PTPRN2: variants seen among roughly 807,000 people sequenced by gnomAD.
PTPRN2 encodes protein tyrosine phosphatase receptor type N2, also known as receptor-type tyrosine-protein phosphatase N2.
Under a neutral mutation model 118.8 loss-of-function variants are expected in PTPRN2, and 74 were observed. The ratio of observed to expected loss-of-function variants is 0.62; its 90% CI spans 0.52 to 0.76. The LOEUF (loss-of-function observed/expected upper bound fraction) is 0.76, where lower values mean the gene tolerates loss of function less well. Ranked by LOEUF, PTPRN2 falls within the 30% of genes least tolerant of loss-of-function variation. The pLI is 0.00. For synonymous variants in PTPRN2, 641 were observed against 608.0 expected (o/e 1.05, Z -0.80); for missense variants, 1,481 against 1,394.4 (o/e 1.06, Z -0.99).
chr7:158,364,875 C>G lies in PTPRN2; in HGVS notation c.164-47943G>C, dbSNP rs372458987. 1.8e-4 allele frequency among the ~76,000 whole-genome samples: 28 copies of G among 152,286 alleles called. No individual in the cohort carries two copies. In the South Asian group the frequency reaches 5.6e-3, roughly 30 times the overall value. ...TTGACTTCTACCAAAAAAGAAATAA[C>G]GGAACGGCATGAGAATGGTCACACC... On this transcript the variant is annotated intron_variant, in intron 2 of 22. Coordinates refer to ENST00000389418, the MANE Select transcript of PTPRN2 (RefSeq NM_002847.5).
chr7:158,385,857 A>C (rs1309020476), intron 2 of PTPRN2, among the ~76,000 whole-genome samples: 3 of 146,596 alleles, frequency 2.0e-5, no homozygotes, highest in African/African-American at 7.9e-5. Context: ...GTTTCCCTCC[A>C]TGAGCAGATG....
At position 158,409,142 on chromosome 7, in the gene PTPRN2, G is replaced by A. The variant is rs185673299; in HGVS notation, c.163+80593C>T. On this transcript the variant is annotated intron_variant, in intron 2 of 22. Coordinates refer to ENST00000389418, the MANE Select transcript of PTPRN2 (RefSeq NM_002847.5). Reference sequence around the variant, plus strand: ...CCCCCGCAGGTAATGCTTGGTTTACGTTAATGAGTAGATGCAGACTGCAGT... The same window carrying A: ...CCCCCGCAGGTAATGCTTGGTTTACATTAATGAGTAGATGCAGACTGCAGT... Among the ~76,000 whole-genome samples the A allele has an allele frequency of 4.9e-4, 75 of 152,270 alleles. No individual in the cohort carries two copies. In the East Asian group the frequency reaches 0.013, roughly 27 times the overall value.
rs1489254553 is a variant in PTPRN2 at position 158,302,316 on chromosome 7, T to C, written c.277+14503A>G. On this transcript the variant is annotated intron_variant, in intron 3 of 22. Transcript: ENST00000389418. ...CCCTAAGTTACAGTCTCTTGCTCCC[T>C]GGAGGTGAACCACCATCAGTGATCC... 2.0e-5 allele frequency among the ~76,000 whole-genome samples: 3 copies of C among 152,212 alleles called. No individual in the cohort carries two copies. In the East Asian group the frequency reaches 5.8e-4, roughly 29 times the overall value.
chr7:158,181,583 G>C (rs994286498), intron 5 of PTPRN2, among the ~76,000 whole-genome samples: 1 of 151,846 alleles, frequency 6.6e-6, no homozygotes, highest in Non-Finnish European at 1.5e-5. Context: ...TTTTGTTATG[G>C]GCAATTTTTA....
At chr7:158,484,025 T>A (rs2129445063) in intron 2 of PTPRN2, among the ~76,000 whole-genome samples, 1 of 152,272 alleles carries the variant, frequency 6.6e-6, no homozygotes, top group South Asian at 2.1e-4. Flanking sequence ...GTGCTTGTAG[T>A]CCCAGCTACT....
chr7:157,739,681 T>C (rs1800509625), intron 12 of PTPRN2, among the ~76,000 whole-genome samples: 1 of 152,240 alleles, frequency 6.6e-6, no homozygotes, highest in African/African-American at 2.4e-5. Context: ...ACAAGGTTGT[T>C]ATGGAATCAA....
chr7:158,148,898 C>T (rs189294518), intron 6 of PTPRN2, among the ~76,000 whole-genome samples: 2 of 42,982 alleles, frequency 4.7e-5, no homozygotes, highest in Non-Finnish European at 9.4e-5. Context: ...CTCAATGACA[C>T]CCCATCTCAC....
At chr7:158,305,219 G>A (rs1033020612) in intron 3 of PTPRN2, among the ~76,000 whole-genome samples, 5 of 152,174 alleles carry the variant, frequency 3.3e-5, no homozygotes, top group Non-Finnish European at 7.3e-5. Flanking sequence ...CATTCAGCTG[G>A]CTGGGGGACT....
chr7:158,394,656 G>T (rs1812197701), intron 2 of PTPRN2, among the ~76,000 whole-genome samples: 1 of 152,246 alleles, frequency 6.6e-6, no homozygotes, highest in African/African-American at 2.4e-5. Flanking sequence ...GATGAGGGGA[G>T]CAGATTTTTG....
intron 2 of PTPRN2, among the ~76,000 whole-genome samples, chr7:158,398,995 G>A (rs770730070): frequency 5.9e-5 from 9 of 152,178 alleles, no homozygotes; most frequent in African/African-American, 1.2e-4. Flanking sequence ...TTTCCCTGGA[G>A]TTATAAATGT....
chr7:158,319,529 A>ACACACACAGCCTCCCT, intron 2 of PTPRN2, among the ~76,000 whole-genome samples: 1 of 116,982 alleles, frequency 8.5e-6, no homozygotes, highest in East Asian at 2.6e-4. Flanking sequence ...AGCCTCCCTC[A>ACACACACAGCCTCCCT]CACACACAGC....
chr7:158,380,361 T>C (rs1473325986), intron 2 of PTPRN2, among the ~76,000 whole-genome samples: 1 of 152,202 alleles, frequency 6.6e-6, no homozygotes, highest in South Asian at 2.1e-4. Flanking sequence ...AATACAGCCA[T>C]TCCAAATGGG....
chr7:158,378,124 C>T lies in PTPRN2; in HGVS notation c.164-61192G>A, dbSNP rs11976360. ...CTCCTCCAGCTGTGCACTTAGAAACCGCATTTTACTGCATACAAATCATAT... is the reference window on the plus strand; with the variant it reads ...CTCCTCCAGCTGTGCACTTAGAAACTGCATTTTACTGCATACAAATCATAT... On this transcript the variant is annotated intron_variant, in intron 2 of 22. Transcript: ENST00000389418. Among the ~76,000 whole-genome samples, 1,104 of 152,278 alleles carry T rather than the reference C, an allele frequency of 7.2e-3. 11 individuals carry two copies. The highest frequency in any genetic ancestry group is 0.025 in the African/African-American group (1,049 of 41,538).
In PTPRN2 at chr7:157,671,424, C is replaced by T. The variant is rs1257077247; in HGVS notation, c.2001+11301G>A. Among the ~76,000 whole-genome samples, 16 of 151,958 alleles carry T rather than the reference C, an allele frequency of 1.1e-4. No homozygotes were observed. The highest frequency in any genetic ancestry group is 6.6e-4 in the Admixed American group (10 of 15,256). On this transcript the variant is annotated intron_variant, in intron 13 of 22. Coordinates refer to ENST00000389418, the MANE Select transcript of PTPRN2 (RefSeq NM_002847.5). The surrounding 1 kb of genome is among the most constrained non-coding windows in gnomAD (Gnocchi z 4.1). ...TAGGGATGAATAGGGCCCTGGTGTT[C>T]GGGATGGGACGGGCCACCCCGGGCT...
At position 157,813,663 on chromosome 7, in the gene PTPRN2, G is replaced by A. The variant is rs10257798; in HGVS notation, c.1788+85010C>T. 0.026 allele frequency among the ~76,000 whole-genome samples: 4,000 copies of A among 152,004 alleles called. 188 individuals are homozygous for A. The highest frequency in any genetic ancestry group is 0.091 in the African/African-American group (3,771 of 41,290). ...AGTCGCATTTCTTCCTCACTGCATC[G>A]CTGTATTTTCCAGATGTCCACTGAG... On this transcript the variant is annotated intron_variant, in intron 12 of 22. Coordinates refer to ENST00000389418, the MANE Select transcript of PTPRN2 (RefSeq NM_002847.5). The surrounding 1 kb of genome is among the most constrained non-coding windows in gnomAD (Gnocchi z 4.7).
At chr7:158,053,767 G>A (rs1158319108) in intron 11 of PTPRN2, among the ~76,000 whole-genome samples, 2 of 150,764 alleles carry the variant, frequency 1.3e-5, no homozygotes, top group African/African-American at 2.5e-5. Context: ...GAGACGCAGA[G>A]ACCCCAGAAA....
At chr7:158,119,251 G>A (rs1816956882) in intron 9 of PTPRN2, among the ~76,000 whole-genome samples, 1 of 151,994 alleles carries the variant, frequency 6.6e-6, no homozygotes, top group Non-Finnish European at 1.5e-5. Flanking sequence ...ATATACAAAT[G>A]GCCAAAAGCA....
chr7:158,132,529 C>T (rs1482873284), intron 9 of PTPRN2, among the ~76,000 whole-genome samples: 2 of 140,088 alleles, frequency 1.4e-5, no homozygotes, highest in East Asian at 4.0e-4. Flanking sequence ...ACCCAACGTA[C>T]ACTCATATAC....
At chr7:157,776,041 G>A (rs538771392) in intron 12 of PTPRN2, among the ~76,000 whole-genome samples, 12 of 150,806 alleles carry the variant, frequency 8.0e-5, no homozygotes, top group African/African-American at 2.7e-4. Context: ...CGGAGGGGGC[G>A]TCACCTCCTC....
Sources: gnomAD v4.1 joint callset for allele counts (sites outside exome capture counted in the v4.1 genomes callset) on GRCh38, gnomAD v4.1.1 for gene constraint, Gnocchi (gnomAD v3.1) non-coding constraint, MANE v1.5 for transcripts, NCBI Gene and HGNC (gene_info 2026-07-23, HGNC 2026-07-21) for gene names.